Variants in KALRN observed in about 807,000 individuals in gnomAD.
The protein encoded by KALRN is kalirin.
A neutral mutation model predicts 353.7 loss-of-function variants in KALRN; 70 were observed. The ratio of observed to expected loss-of-function variants is 0.20; its 90% CI spans 0.16 to 0.24. The LOEUF (loss-of-function observed/expected upper bound fraction) is 0.24, where lower values mean the gene tolerates loss of function less well. Ranked by LOEUF, KALRN falls within the 10% of genes least tolerant of loss-of-function variation. The pLI, the probability that KALRN is intolerant of heterozygous loss-of-function variation, is 1.00. For synonymous variants in KALRN, 1,391 were observed against 1,434.8 expected (o/e 0.97, Z 0.69); for missense variants, 2,791 against 3,756.7 (o/e 0.74, Z 6.72).
intron 58 of KALRN, 22 bp from the exon 59 acceptor site, chr3:124,717,225 G>A: frequency 6.4e-7 from 1 of 1,574,518 alleles, no homozygotes; most frequent in Non-Finnish European, 8.6e-7. Context: ...TATTTCCTTT[G>A]CCTTTCCCTG....
At chr3:124,186,982 T>C (rs913946556) in intron 1 of KALRN, among the ~76,000 whole-genome samples, 9 of 152,178 alleles carry the variant, frequency 5.9e-5, no homozygotes, top group African/African-American at 1.2e-4. Context: ...CTTAATGACT[T>C]GGCAGCATTG....
intron 33 of KALRN, among the ~76,000 whole-genome samples, chr3:124,557,779 G>A (rs1302112339): frequency 6.6e-6 from 1 of 152,190 alleles, no homozygotes; most frequent in Non-Finnish European, 1.5e-5. Flanking sequence ...GGGCGCTCTT[G>A]GGCACAGCTC....
chr3:124,685,532 TCTA>T (rs2061518163), intron 51 of KALRN, among the ~76,000 whole-genome samples: 1 of 152,192 alleles, frequency 6.6e-6, no homozygotes. Flanking sequence ...GTAGAGGAAG[TCTA>T]CTCGTATGGC....
chr3:124,722,545 G>T lies in KALRN; in HGVS notation c.*3075G>T, dbSNP rs548478443. ...GGTCCCTCCCAACAGAGATAAGAGA[G>T]TAGTCTTGGTTCAAGAGTTCTCCAC... is the stretch of plus-strand genomic sequence containing the variant. On this transcript the variant is annotated 3_prime_UTR_variant, in exon 60 of 60. Coordinates refer to ENST00000682506, the MANE Select transcript of KALRN (RefSeq NM_001388419.1). The T allele has an allele frequency of 6.6e-6, 1 of 152,160 alleles. No homozygotes were observed. The highest frequency in any genetic ancestry group is 2.1e-4 in the South Asian group (1 of 4,812). 9.4% of individuals were successfully genotyped at this position (152,160 alleles called of 1,614,324 possible).
intron 9 of KALRN, among the ~76,000 whole-genome samples, chr3:124,341,987 G>C (rs1295848390): frequency 6.6e-6 from 1 of 151,660 alleles, no homozygotes; most frequent in Non-Finnish European, 1.5e-5. Context: ...CTTTTAGGGT[G>C]TTGGGGGGTG....
intron 34 of KALRN, among the ~76,000 whole-genome samples, chr3:124,592,309 CAAA>C (rs10575664): frequency 0.16 from 19,575 of 120,776 alleles, 1,156 homozygotes; most frequent in African/African-American, 0.18. Context: ...CTCAAAGAAA[CAAA>C]AAAAAAAAAA....
At chr3:124,445,687 A>G (rs2093814108) in intron 19 of KALRN, among the ~76,000 whole-genome samples, 1 of 152,156 alleles carries the variant, frequency 6.6e-6, no homozygotes, top group Non-Finnish European at 1.5e-5. Context: ...AACATTGCTC[A>G]TGATGTGGGT....
At chr3:124,584,740 G>A (rs2074961870) in intron 34 of KALRN, 1 of 1,521,510 alleles carries the variant, frequency 6.6e-7, no homozygotes, top group Non-Finnish European at 8.8e-7. Context: ...TCGGGCGGCG[G>A]CGCTGAAGTT....
Position 124,522,015 on chromosome 3 carries a change from A to G in KALRN, c.4935+25602A>G, listed in dbSNP as rs189609724. On this transcript the variant is annotated intron_variant, in intron 33 of 59. Transcript: ENST00000682506. ...AGACAATAAACAAAATAAATAACAC[A>G]GCATATTAGAAGAATCAAAGAAAAA... Among the ~76,000 whole-genome samples, 5 of 152,326 alleles carry G rather than the reference A, an allele frequency of 3.3e-5. No individual in the cohort carries two copies. In the East Asian group the frequency reaches 9.6e-4, roughly 29 times the overall value.
In KALRN at chr3:124,632,439, A is replaced by G; in HGVS notation, c.5202A>G (p.Ser1734=). Residue 1734 remains serine (S), a synonymous_variant, in exon 35 of 60, where the codon TCA becomes TCG. Transcript: ENST00000682506. ...PLVKDAYSHS[S]SENGGKSESV... ...CCTCAGATGCATACTCTCATTCCTC[A>G]AGCGAGAATGGAGGCAAGTCCGAGT... The G allele has an allele frequency of 6.2e-7, 1 of 1,613,820 alleles. No individual in the cohort carries two copies. The highest frequency in any genetic ancestry group is 8.5e-7 in the Non-Finnish European group (1 of 1,179,870).
chr3:124,447,728 T>C (rs1346291017), intron 21 of KALRN, among the ~76,000 whole-genome samples: 1 of 152,182 alleles, frequency 6.6e-6, no homozygotes, highest in Non-Finnish European at 1.5e-5. Flanking sequence ...GTTCCTCTGG[T>C]TTGGTGTGAC....
intron 6 of KALRN, among the ~76,000 whole-genome samples, chr3:124,313,627 A>G (rs911920850): frequency 8.5e-5 from 13 of 152,176 alleles, no homozygotes; most frequent in African/African-American, 3.1e-4. Context: ...GCTTGTCTCT[A>G]AGGCAGCAGT....
At position 124,674,621 on chromosome 3, in the gene KALRN, G is replaced by A; in HGVS notation, c.7193+7G>A. 1 of 1,569,880 alleles carries A rather than the reference G, an allele frequency of 6.4e-7. No homozygotes were observed. On this transcript the variant is annotated splice_region_variant and intron_variant, in intron 49 of 59. Transcript: ENST00000682506. Reference sequence around the variant, plus strand: ...GTAGTGACGGGAGCATCAAGTAAGTGCCTCGTTGGCTTCCCCGGGAGAGGA... The same window carrying A: ...GTAGTGACGGGAGCATCAAGTAAGTACCTCGTTGGCTTCCCCGGGAGAGGA...
At chr3:124,641,450 G>A (rs1205811436) in intron 37 of KALRN, among the ~76,000 whole-genome samples, 4 of 152,220 alleles carry the variant, frequency 2.6e-5, no homozygotes, top group African/African-American at 7.2e-5. Flanking sequence ...TTCTAGACGT[G>A]TGGACTGTTG....
chr3:124,392,795 T>A (rs975261688), intron 11 of KALRN, among the ~76,000 whole-genome samples: 5 of 151,726 alleles, frequency 3.3e-5, no homozygotes, highest in Non-Finnish European at 7.4e-5. Context: ...TTTTATTTTT[T>A]TTTTATTATA....
chr3:124,045,217 G>A (rs1191263189), intron 1 of KALRN, among the ~76,000 whole-genome samples: 2 of 152,052 alleles, frequency 1.3e-5, no homozygotes, highest in Non-Finnish European at 2.9e-5. Context: ...GGGGATTCTT[G>A]TGTCTGACTA....
intron 1 of KALRN, among the ~76,000 whole-genome samples, chr3:124,056,025 T>C (rs1406915733): frequency 1.3e-5 from 2 of 152,206 alleles, no homozygotes; most frequent in African/African-American, 4.8e-5. Flanking sequence ...GGTTGAATGG[T>C]GAGAGCCTTG....
intron 1 of KALRN, among the ~76,000 whole-genome samples, chr3:124,153,387 G>A (rs1360897434): frequency 8.0e-5 from 12 of 150,326 alleles, no homozygotes; most frequent in African/African-American, 9.8e-5. Context: ...TTGTCCTTGC[G>A]ATAGTTTACT....
chr3:124,035,049 T>C (rs897650286), intron 1 of KALRN, among the ~76,000 whole-genome samples: 2 of 152,112 alleles, frequency 1.3e-5, no homozygotes, highest in African/African-American at 4.8e-5. Flanking sequence ...ATGTTCATTC[T>C]CTAGTTGATG....
Sources: allele counts gnomAD v4.1 joint callset (sites outside exome capture counted in the v4.1 genomes callset), GRCh38; gene constraint gnomAD v4.1.1; transcripts MANE v1.5; gene names NCBI Gene and HGNC (gene_info 2026-07-23, HGNC 2026-07-21).